The following PRSS21 variants were observed in gnomAD, a reference collection of about 807,000 sequenced individuals.
PRSS21 encodes the protein testisin.
Under a neutral mutation model 31.1 loss-of-function variants are expected in PRSS21, and 40 were observed. The ratio of observed to expected loss-of-function variants is 1.29; its 90% confidence interval spans 1.00 to 1.68. The LOEUF (loss-of-function observed/expected upper bound fraction) is 1.68, where lower values mean the gene tolerates loss of function less well. PRSS21 is among the 40% of genes most tolerant of loss of function. PRSS21 has a pLI of 0.00. For missense variants in PRSS21, 467 were observed against 412.6 expected (o/e 1.13, Z -1.14); for synonymous variants, 186 against 167.7 (o/e 1.11, Z -0.84).
chr16:2,821,585 C>G lies in PRSS21; in HGVS notation c.925C>G (p.Pro309Ala), dbSNP rs200126653. 83 of 1,613,512 alleles carry G rather than the reference C, an allele frequency of 5.1e-5. No homozygotes were observed. Among genetic ancestry groups the G allele is most frequent in the Non-Finnish European group, 6.0e-5 (71 of 1,179,878 alleles). The change falls in exon 6 of 6, where the codon CCA (proline) becomes GCA (alanine). Residue 309 changes from proline (P) to alanine (A), a missense_variant. Pro to Ala is a conservative substitution (Grantham distance 27, BLOSUM62 -1). Transcript: ENST00000005995. The part of the protein sequence containing the change: ...LLFFPLLWAL[P>A]LLGPV ...CTTTTTCCCTCTTCTCTGGGCTCTC[C>G]CACTCCTGGGGCCGGTCTGAGCCTA...
chr16:2,820,236 A>G (rs745607745), intron 4 of PRSS21, among the ~76,000 whole-genome samples: 1 of 152,254 alleles, frequency 6.6e-6, no homozygotes, highest in Non-Finnish European at 1.5e-5. Flanking sequence ...GTGCCACATC[A>G]GAGGCTAGTT....
Position 2,817,801 on chromosome 16 carries a change from G to T in PRSS21, c.92G>T (p.Gly31Val). 2 of 1,549,546 alleles carry T rather than the reference G, an allele frequency of 1.3e-6. No homozygotes were observed. Among genetic ancestry groups the T allele is most frequent in the African/African-American group, 1.4e-5 (1 of 73,176 alleles). Residue 31 changes from glycine (G) to valine (V), a missense_variant and splice_region_variant, in exon 3 of 6, where the codon GGA becomes GTA. Transcript: ENST00000005995. The surrounding 1 kb of genome is among the most constrained non-coding windows in gnomAD (Gnocchi z 4.2). ...TCAGCAGTTCCTCTGACCATCCGAG[G>T]ACCATGCGGCCGACGGGTCATCACG... ...PESQEAAPLS[G>V]PCGRRVITSR...
At chr16:2,820,890 A>G in intron 4 of PRSS21, 65 bp from the exon 5 acceptor site, 1 of 1,546,108 alleles carries the variant, frequency 6.5e-7, no homozygotes, top group Non-Finnish European at 8.8e-7. Context: ...CCCGCAGCCT[A>G]TGCCATCCCT....
In PRSS21 at chr16:2,819,071, G is replaced by T. The variant is rs2069130067; in HGVS notation, c.550+102G>T. 2.3e-6 allele frequency: 3 copies of T among 1,329,806 alleles called. No individual in the cohort carries two copies. The Admixed American group carries it at 6.4e-5, about 28-fold the overall frequency. 82.4% of individuals were successfully genotyped at this position (1,329,806 alleles called of 1,614,324 possible). On this transcript the variant is annotated intron_variant, in intron 4 of 5. Transcript: ENST00000005995. ...TGCTTGGTCTGGGGGTGCAGGCTAT[G>T]CCCCTCTTGCTTGCAGTCTCTCCTC...
At chr16:2,820,915 C>T (rs780931387) in intron 4 of PRSS21, 40 bp from the exon 5 acceptor site, 1 of 1,601,932 alleles carries the variant, frequency 6.2e-7, no homozygotes, top group Non-Finnish European at 8.5e-7. Flanking sequence ...AGAGGGGCCT[C>T]AGGTTGCTGT....
At chr16:2,819,016 C>G (rs779465807) in intron 4 of PRSS21, 47 bp downstream of exon 4, 2 of 1,595,498 alleles carry the variant, frequency 1.3e-6, no homozygotes, top group East Asian at 4.5e-5. Context: ...CTTTGTTCAC[C>G]TGTTCCCCTG....
chr16:2,818,769 C>A lies in PRSS21; in HGVS notation c.350C>A (p.Thr117Asn). The change falls in exon 4 of 6, where the codon ACC becomes AAC. Residue 117 changes from threonine (T) to asparagine (N), a missense_variant. Physicochemically the swap from Thr to Asn is moderately conservative, Grantham distance 65. Coordinates refer to ENST00000005995, the MANE Select transcript of PRSS21 (RefSeq NM_006799.4). ...TTCTGGAGCCTGCAGGCCTACTACACCCGTTACTTCGTATCGAATATCTAT... is the reference window on the plus strand; with the variant it reads ...TTCTGGAGCCTGCAGGCCTACTACAACCGTTACTTCGTATCGAATATCTAT... ...PSFWSLQAYYTRYFVSNIYLS... is the reference protein window; with the variant it reads ...PSFWSLQAYYNRYFVSNIYLS... 1 of 1,613,588 alleles carries A rather than the reference C, an allele frequency of 6.2e-7. No homozygotes were observed. Among genetic ancestry groups the A allele is most frequent in the Middle Eastern group, 1.7e-4 (1 of 6,060 alleles).
chr16:2,818,909 G>C lies in PRSS21; in HGVS notation c.490G>C (p.Glu164Gln). ...CATCTGTCTCCAGGCCTCCACATTTGAGTTTGAGAACCGGACAGACTGCTG... is the reference window on the plus strand; with the variant it reads ...CATCTGTCTCCAGGCCTCCACATTTCAGTTTGAGAACCGGACAGACTGCTG... ...QPICLQASTF[E>Q]FENRTDCWVT... The change falls in exon 4 of 6, where the codon GAG becomes CAG. Residue 164 changes from glutamate to glutamine, a missense_variant. Physicochemically the swap from Glu to Gln is conservative, Grantham distance 29. Coordinates refer to ENST00000005995, the MANE Select transcript of PRSS21 (RefSeq NM_006799.4). The C allele has an allele frequency of 6.2e-7, 1 of 1,614,216 alleles. No individual in the cohort carries two copies. The highest frequency in any genetic ancestry group is 1.1e-5 in the South Asian group (1 of 91,086).
rs758921962 is a variant in PRSS21, at chr16:2,817,268, C to T, written c.-1C>T. ...GGCGTCAGGCCGCGGGAGAGGAGGCCATGGGCGCGCGCGGGGCGCTGCTGC... is the reference window on the plus strand; with the variant it reads ...GGCGTCAGGCCGCGGGAGAGGAGGCTATGGGCGCGCGCGGGGCGCTGCTGC... On this transcript the variant is annotated 5_prime_UTR_variant, in exon 1 of 6. Coordinates refer to ENST00000005995, the MANE Select transcript of PRSS21 (RefSeq NM_006799.4). The surrounding 1 kb of genome is among the most constrained non-coding windows in gnomAD (Gnocchi z 4.2). 17 of 1,531,444 alleles carry T rather than the reference C, an allele frequency of 1.1e-5. No individual in the cohort carries two copies. Among genetic ancestry groups the T allele is most frequent in the Non-Finnish European group, 1.5e-5 (17 of 1,143,224 alleles). The allele number at this position is 1,531,444 out of a possible 1,614,324, so 94.9% of individuals were successfully genotyped here.
chr16:2,817,448 C>G lies in PRSS21; in HGVS notation c.83C>G (p.Pro28Arg). The G allele has an allele frequency of 6.3e-7, 1 of 1,586,634 alleles. No individual in the cohort carries two copies. The highest frequency in any genetic ancestry group is 8.5e-7 in the Non-Finnish European group (1 of 1,172,350). ...LRKPESQEAA[P>R]LSGPCGRRVI... is the part of the protein sequence containing the mutation. The stretch of plus-strand genomic sequence containing the variant: ...CCCGCAGAGTCGCAGGAGGCGGCGC[C>G]GTTATCAGGTAGGGCGCCCAGGACG... The change falls in exon 2 of 6, where the codon CCG (proline) becomes CGG (arginine). Residue 28 changes from proline (P) to arginine (R), a missense_variant. Transcript: ENST00000005995. The surrounding 1 kb of genome is among the most constrained non-coding windows in gnomAD (Gnocchi z 4.2).
chr16:2,817,514 GGC>G lies in PRSS21; in HGVS notation c.91+60_91+61del. On this transcript the variant is annotated intron_variant, in intron 2 of 5. Transcript: ENST00000005995. The surrounding 1 kb of genome is among the most constrained non-coding windows in gnomAD (Gnocchi z 4.2). Reference sequence around the variant, plus strand: ...GGCCGTTGGGCCGAGGTGGACGGGGGGCGGTGAGGGGGTAGAGGGGGGCCTTT... The same window carrying G: ...GGCCGTTGGGCCGAGGTGGACGGGGGGGTGAGGGGGTAGAGGGGGGCCTTT... 1 of 1,369,790 alleles carries G rather than the reference GGC, an allele frequency of 7.3e-7. No individual in the cohort carries two copies. The highest frequency in any genetic ancestry group is 2.3e-5 in the Admixed American group (1 of 44,136). 84.9% of individuals were successfully genotyped at this position (1,369,790 alleles called of 1,614,324 possible).
At position 2,817,252 on chromosome 16, in the gene PRSS21, C is replaced by A. The variant is rs1287548315; in HGVS notation, c.-17C>A. 5 of 1,511,184 alleles carry A rather than the reference C, an allele frequency of 3.3e-6. No homozygotes were observed. The highest frequency in any genetic ancestry group is 4.4e-6 in the Non-Finnish European group (5 of 1,135,774). The allele number at this position is 1,511,184 out of a possible 1,614,324, so 93.6% of individuals were successfully genotyped here. On this transcript the variant is annotated 5_prime_UTR_variant, in exon 1 of 6. Transcript: ENST00000005995. The surrounding 1 kb of genome is among the most constrained non-coding windows in gnomAD (Gnocchi z 4.2). Reference sequence around the variant, plus strand: ...GAGAGGAGGCAGAGGGGGCGTCAGGCCGCGGGAGAGGAGGCCATGGGCGCG... The same window carrying A: ...GAGAGGAGGCAGAGGGGGCGTCAGGACGCGGGAGAGGAGGCCATGGGCGCG...
rs2069165580 is a variant in PRSS21, at chr16:2,821,050, G to T, written c.646G>T (p.Asp216Tyr). The stretch of plus-strand genomic sequence containing the variant: ...CTTCCTCAAGTACAGTTTCCGCAAG[G>T]ACATCTTTGGAGACATGGTTTGTGC... ...HLFLKYSFRK[D>Y]IFGDMVCAGN... Residue 216 changes from aspartate (D) to tyrosine (Y), a missense_variant, in exon 5 of 6, where the codon GAC (aspartate) becomes TAC (tyrosine). Physicochemically the swap from Asp to Tyr is radical, Grantham distance 160 (BLOSUM62 -3). Coordinates refer to ENST00000005995, the MANE Select transcript of PRSS21 (RefSeq NM_006799.4). The T allele has an allele frequency of 6.2e-7, 1 of 1,614,136 alleles. No homozygotes were observed. Among genetic ancestry groups the T allele is most frequent in the South Asian group, 1.1e-5 (1 of 91,084 alleles).
At position 2,821,692 on chromosome 16, in the gene PRSS21, T is replaced by C; in HGVS notation, c.*87T>C. 6.7e-7 allele frequency: 1 copy of C among 1,488,576 alleles called. No individual in the cohort carries two copies. The highest frequency in any genetic ancestry group is 9.1e-7 in the Non-Finnish European group (1 of 1,100,736). The allele number at this position is 1,488,576 out of a possible 1,614,324, so 92.2% of individuals were successfully genotyped here. On this transcript the variant is annotated 3_prime_UTR_variant, in exon 6 of 6. Coordinates refer to ENST00000005995, the MANE Select transcript of PRSS21 (RefSeq NM_006799.4). ...TTGTTTGGTAATAAACACATTCCAGTTGATGCCTTGCAGGGCATTCTTCAA... is the reference window on the plus strand; with the variant it reads ...TTGTTTGGTAATAAACACATTCCAGCTGATGCCTTGCAGGGCATTCTTCAA...
rs1327785991 is a variant in PRSS21, at chr16:2,821,045, G to T, written c.641G>T (p.Arg214Leu). The change falls in exon 5 of 6, where the codon CGC (arginine) becomes CTC (leucine). Residue 214 changes from arginine to leucine, a missense_variant. Arg to Leu is a moderately radical substitution (Grantham distance 102). Transcript: ENST00000005995. Reference protein sequence around the residue: ...CNHLFLKYSFRKDIFGDMVCA... With the variant: ...CNHLFLKYSFLKDIFGDMVCA... ...CACCTCTTCCTCAAGTACAGTTTCC[G>T]CAAGGACATCTTTGGAGACATGGTT... The T allele has an allele frequency of 6.2e-7, 1 of 1,614,142 alleles. No individual in the cohort carries two copies.
chr16:2,819,210 G>A (rs541028886), intron 4 of PRSS21, among the ~76,000 whole-genome samples: 22 of 152,244 alleles, frequency 1.4e-4, no homozygotes, highest in African/African-American at 5.1e-4. Flanking sequence ...GTGGTGCGGT[G>A]GTGGAGGGGT....
chr16:2,821,560 CTT>C lies in PRSS21; in HGVS notation c.904_905del (p.Phe302ProfsTer?). 1 of 1,614,094 alleles carries C rather than the reference CTT, an allele frequency of 6.2e-7. No individual in the cohort carries two copies. The highest frequency in any genetic ancestry group is 2.2e-5 in the East Asian group (1 of 44,892). ...SQPDPSWPLLFFPLLWALPLL... is the reference protein window; with the variant it reads ...SQPDPSWPLLXFPLLWALPLL... ...AGCCAGACCCCTCCTGGCCGCTACT[CTT>C]TTTCCCTCTTCTCTGGGCTCTCCCA... is the stretch of plus-strand genomic sequence containing the variant. On this transcript the variant is annotated frameshift_variant, in exon 6 of 6. Coordinates refer to ENST00000005995, the MANE Select transcript of PRSS21 (RefSeq NM_006799.4). LOFTEE classifies it low-confidence loss of function (END_TRUNC).
rs369869948 is a variant in PRSS21, at chr16:2,818,845, G to A, written c.426G>A (p.Lys142=). The change falls in exon 4 of 6, where the codon AAG becomes AAA. Residue 142 remains lysine (K), a synonymous_variant. Coordinates refer to ENST00000005995, the MANE Select transcript of PRSS21 (RefSeq NM_006799.4). ...GNSPYDIALV[K]LSAPVTYTKH... Reference sequence around the variant, plus strand: ...CACCCTATGACATTGCCTTGGTGAAGCTGTCTGCACCTGTCACCTACACTA... The same window carrying A: ...CACCCTATGACATTGCCTTGGTGAAACTGTCTGCACCTGTCACCTACACTA... 1.9e-6 allele frequency: 3 copies of A among 1,613,970 alleles called. No individual in the cohort carries two copies. Among genetic ancestry groups the A allele is most frequent in the Non-Finnish European group, 2.5e-6 (3 of 1,179,812 alleles).
chr16:2,818,881 GC>G lies in PRSS21; in HGVS notation c.465del (p.Ile156SerfsTer18). ...APVTYTKHIQ[P>X]ICLQASTFEF... Reference sequence around the variant, plus strand: ...CTGTCACCTACACTAAACACATCCAGCCCATCTGTCTCCAGGCCTCCACATT... The same window carrying G: ...CTGTCACCTACACTAAACACATCCAGCCATCTGTCTCCAGGCCTCCACATT... On this transcript the variant is annotated frameshift_variant, in exon 4 of 6. Coordinates refer to ENST00000005995, the MANE Select transcript of PRSS21 (RefSeq NM_006799.4). LOFTEE classifies it high-confidence loss of function. 6.2e-7 allele frequency: 1 copy of G among 1,614,182 alleles called. No homozygotes were observed. The highest frequency in any genetic ancestry group is 8.5e-7 in the Non-Finnish European group (1 of 1,180,016).
Sources: gnomAD v4.1 joint callset for allele counts (sites outside exome capture counted in the v4.1 genomes callset) on GRCh38, gnomAD v4.1.1 for gene constraint, Gnocchi (gnomAD v3.1) non-coding constraint, MANE v1.5 for transcripts, NCBI Gene and HGNC (gene_info 2026-07-23, HGNC 2026-07-21) for gene names.